Variants in UNC13C observed in about 807,000 individuals in gnomAD.
The protein encoded by UNC13C is protein unc-13 homolog C.
A neutral mutation model predicts 245.4 loss-of-function variants in UNC13C; 174 were observed. The observed-to-expected ratio is 0.71, with a 90% CI of 0.63 to 0.80. The LOEUF is 0.80. UNC13C is among the 30% of genes least tolerant of loss of function. UNC13C has a pLI of 0.00. For missense variants in UNC13C, 2,829 were observed against 2,602.9 expected (o/e 1.09, Z -1.89); for synonymous variants, 992 against 895.1 (o/e 1.11, Z -1.93).
At chr15:53,952,599 G>A in the UNC13C span, among the ~76,000 whole-genome samples, 3 of 152,306 alleles carry the variant, frequency 2.0e-5, no homozygotes, top group African/African-American at 7.2e-5. Flanking sequence ...TGCCAACATG[G>A]ACTTCGTAAT....
intron 17 of UNC13C, among the ~76,000 whole-genome samples, chr15:54,377,611 T>C (rs2039633984): frequency 6.6e-6 from 1 of 152,230 alleles, no homozygotes; most frequent in African/African-American, 2.4e-5. Context: ...GAAATTTATT[T>C]CTCACAGTTC....
At chr15:53,918,565 G>A in the UNC13C span, among the ~76,000 whole-genome samples, 1 of 152,148 alleles carries the variant, frequency 6.6e-6, no homozygotes, top group Non-Finnish European at 1.5e-5. Flanking sequence ...GTCTGTCCCT[G>A]GCTGTGACAG....
chr15:54,106,390 C>T (rs1178106627), intron 2 of UNC13C, among the ~76,000 whole-genome samples: 1 of 152,158 alleles, frequency 6.6e-6, no homozygotes, highest in African/African-American at 2.4e-5. Flanking sequence ...CCAATGACCA[C>T]TTAAAACTTC....
chr15:53,936,936 C>A, the UNC13C span, among the ~76,000 whole-genome samples: 2 of 152,106 alleles, frequency 1.3e-5, no homozygotes, highest in South Asian at 2.1e-4. Context: ...AGAATCAATG[C>A]AAAAATGCTG....
chr15:54,424,496 T>A (rs1596356149), intron 19 of UNC13C, among the ~76,000 whole-genome samples: 1 of 152,058 alleles, frequency 6.6e-6, no homozygotes, highest in Middle Eastern at 3.4e-3. Context: ...TACACATGTT[T>A]GTTTTAAGTG....
chr15:53,875,127 T>C, the UNC13C span, among the ~76,000 whole-genome samples: 1 of 152,152 alleles, frequency 6.6e-6, no homozygotes, highest in African/African-American at 2.4e-5. Flanking sequence ...TGCATGTGAC[T>C]TTCCCCCACA....
At chr15:54,239,273 C>A (rs1376609300) in intron 7 of UNC13C, among the ~76,000 whole-genome samples, 1 of 152,144 alleles carries the variant, frequency 6.6e-6, no homozygotes, top group East Asian at 1.9e-4. Context: ...AAATGTCAAT[C>A]TTTCCTGGGT....
chr15:54,053,003 T>C (rs181807115), intron 2 of UNC13C, among the ~76,000 whole-genome samples: 88 of 152,276 alleles, frequency 5.8e-4, no homozygotes, highest in Non-Finnish European at 1.1e-3. Context: ...ATTATTGTTA[T>C]TATCTTTTAA....
intron 13 of UNC13C, among the ~76,000 whole-genome samples, chr15:54,304,513 G>A (rs1291658167): frequency 4.0e-5 from 6 of 151,322 alleles, no homozygotes; most frequent in African/African-American, 1.5e-4. Context: ...TGCCTCTATC[G>A]CCCTGACGTC....
chr15:53,925,835 G>A, the UNC13C span, among the ~76,000 whole-genome samples: 1 of 152,172 alleles, frequency 6.6e-6, no homozygotes, highest in Non-Finnish European at 1.5e-5. Context: ...TCTTGTGAAT[G>A]ATCGCCATGC....
chr15:53,989,092 C>T (rs1894269107), intron 1 of UNC13C, among the ~76,000 whole-genome samples: 1 of 151,852 alleles, frequency 6.6e-6, no homozygotes, highest in Non-Finnish European at 1.5e-5. Context: ...TAAATAGATG[C>T]CATGCTTGGT....
intron 30 of UNC13C, among the ~76,000 whole-genome samples, chr15:54,582,561 G>C (rs1410311238): frequency 6.6e-6 from 1 of 152,126 alleles, no homozygotes; most frequent in African/African-American, 2.4e-5. Flanking sequence ...GGAAAGCAAA[G>C]GCCCAGAATG....
intron 15 of UNC13C, among the ~76,000 whole-genome samples, chr15:54,332,548 C>T (rs1290044368): frequency 6.6e-6 from 1 of 151,926 alleles, no homozygotes; most frequent in Non-Finnish European, 1.5e-5. Flanking sequence ...GATCGTGATA[C>T]CAAGAGTACC....
the UNC13C span, among the ~76,000 whole-genome samples, chr15:53,846,158 G>T: frequency 0.017 from 2,611 of 152,190 alleles, 53 homozygotes; most frequent in East Asian, 0.08. Context: ...AGTAGGTTCG[G>T]TGCATTAAAT....
At chr15:53,890,940 T>A in the UNC13C span, among the ~76,000 whole-genome samples, 2 of 152,116 alleles carry the variant, frequency 1.3e-5, no homozygotes, top group Non-Finnish European at 2.9e-5. Context: ...TTCCTAGTTC[T>A]TTTAATTTTG....
intron 14 of UNC13C, among the ~76,000 whole-genome samples, chr15:54,325,945 G>T (rs1002819595): frequency 3.9e-5 from 6 of 151,972 alleles, no homozygotes; most frequent in African/African-American, 1.2e-4. Flanking sequence ...TTTATAGAGT[G>T]TTAGGAAAGG....
intron 4 of UNC13C, among the ~76,000 whole-genome samples, chr15:54,162,359 T>C (rs1017478682): frequency 2.0e-5 from 3 of 152,174 alleles, no homozygotes; most frequent in African/African-American, 7.2e-5. Context: ...CTTGTGACAC[T>C]ATGCAATCAT....
upstream of UNC13C, chr15:53,976,978 C>T (rs1207528351): frequency 6.6e-6 from 1 of 152,158 alleles, no homozygotes. Flanking sequence ...TAGGTCTAAC[C>T]GGTTTTCCTG....
At chr15:54,603,747 C>A (rs1899590937) in intron 30 of UNC13C, among the ~76,000 whole-genome samples, 1 of 151,960 alleles carries the variant, frequency 6.6e-6, no homozygotes, top group South Asian at 2.1e-4. Flanking sequence ...ACCTGGAATG[C>A]CAGCTACTTG....
Sources: allele counts gnomAD v4.1 joint callset (sites outside exome capture counted in the v4.1 genomes callset), GRCh38; gene constraint gnomAD v4.1.1; transcripts MANE v1.5; gene names NCBI Gene and HGNC (gene_info 2026-07-23, HGNC 2026-07-21).